The following NPR3 variants were observed in gnomAD, a reference collection of about 807,000 sequenced individuals.
The protein encoded by NPR3 is atrial natriuretic peptide receptor 3.
NPR3 carries 34 observed loss-of-function variants against 54.5 expected under a neutral mutation model. The ratio of observed to expected loss-of-function variants is 0.62; its 90% CI spans 0.47 to 0.83. The LOEUF (loss-of-function observed/expected upper bound fraction) is 0.83. NPR3 is among the 40% of genes least tolerant of loss of function. NPR3 has a pLI of 0.00. For synonymous variants in NPR3, 289 were observed against 297.1 expected (o/e 0.97, Z 0.28); for missense variants, 674 against 720.8 (o/e 0.94, Z 0.74).
rs372559211 is a variant in NPR3, at chr5:32,732,098, G to A, written c.893-6766G>A. On this transcript the variant is annotated intron_variant, in intron 2 of 7. Coordinates refer to ENST00000265074, the MANE Select transcript of NPR3 (RefSeq NM_001204375.2). ...CTACTAAAAATACAGAAAATTAGCC[G>A]GGCACGGTGGCGGGCGCCTGTAGTC... Among the ~76,000 whole-genome samples, 35 of 151,564 alleles carry A rather than the reference G, an allele frequency of 2.3e-4. 1 individual carries two copies. In the East Asian group the frequency reaches 2.7e-3, roughly 12 times the overall value.
rs775033360 is a variant in NPR3 at position 32,774,689 on chromosome 5, T to C, written c.1060-19T>C. The C allele has an allele frequency of 3.1e-6, 5 of 1,603,216 alleles. No homozygotes were observed. The South Asian group carries it at 5.5e-5, about 18-fold the overall frequency. ...GTCACTTGGTGTTTTGGTTCACCCATCTGGGGTTTTCTTTTCAGGTTAACA... is the reference window on the plus strand; with the variant it reads ...GTCACTTGGTGTTTTGGTTCACCCACCTGGGGTTTTCTTTTCAGGTTAACA... On this transcript the variant is annotated intron_variant, in intron 3 of 7. Transcript: ENST00000265074.
At chr5:32,720,905 CTT>C (rs1192019141) in intron 1 of NPR3, among the ~76,000 whole-genome samples, 2 of 152,018 alleles carry the variant, frequency 1.3e-5, no homozygotes. Flanking sequence ...GCTGGTTGTG[CTT>C]ATTATGATAA....
rs564204891 is a variant in NPR3 at position 32,753,830 on chromosome 5, C to T, written c.1059+14800C>T. 5.5e-4 allele frequency among the ~76,000 whole-genome samples: 84 copies of T among 152,208 alleles called. 1 individual carries two copies. The highest frequency in any genetic ancestry group is 4.8e-3 in the South Asian group (23 of 4,824). Reference sequence around the variant, plus strand: ...GTTCCTCAAATGCCAGGATTTACTCCTTTGATAAGAGAGCCCTGCTCATGA... The same window carrying T: ...GTTCCTCAAATGCCAGGATTTACTCTTTTGATAAGAGAGCCCTGCTCATGA... On this transcript the variant is annotated intron_variant, in intron 3 of 7. Coordinates refer to ENST00000265074, the MANE Select transcript of NPR3 (RefSeq NM_001204375.2).
chr5:32,695,303 C>A (rs997270845), intron 1 of NPR3, among the ~76,000 whole-genome samples: 1 of 152,078 alleles, frequency 6.6e-6, no homozygotes, highest in Non-Finnish European at 1.5e-5. Context: ...CTCGCTCTGT[C>A]GTCCAGGCTG....
chr5:32,745,546 A>G (rs1449949491), intron 3 of NPR3, among the ~76,000 whole-genome samples: 2 of 152,140 alleles, frequency 1.3e-5, no homozygotes, highest in South Asian at 2.1e-4. Context: ...TGGGTCAGTG[A>G]CTTTCTTTTT....
At chr5:32,693,262 A>T (rs542357370) in intron 1 of NPR3, among the ~76,000 whole-genome samples, 1 of 152,188 alleles carries the variant, frequency 6.6e-6, no homozygotes, top group Non-Finnish European at 1.5e-5. Context: ...TTTCACTTTG[A>T]ATTATCTCTT....
chr5:32,710,659 C>A (rs1738160022), upstream of NPR3: 1 of 1,504,028 alleles, frequency 6.6e-7, no homozygotes, highest in Non-Finnish European at 8.9e-7. Context: ...ACACCAGGTC[C>A]GCGATGGAGC....
At chr5:32,754,397 A>G (rs1740729547) in intron 3 of NPR3, among the ~76,000 whole-genome samples, 1 of 152,098 alleles carries the variant, frequency 6.6e-6, no homozygotes, top group Admixed American at 6.5e-5. Context: ...TAGTAGCCAA[A>G]GACAATAGTC....
chr5:32,716,368 C>CTTTTTT, intron 1 of NPR3: 1 of 404,124 alleles, frequency 2.5e-6, no homozygotes, highest in Non-Finnish European at 4.9e-6. Context: ...TAACATGCTA[C>CTTTTTT]TTTTTTTTTT....
chr5:32,734,497 T>G (rs1739627486), intron 2 of NPR3, among the ~76,000 whole-genome samples: 2 of 152,178 alleles, frequency 1.3e-5, no homozygotes, highest in Admixed American at 1.3e-4. Flanking sequence ...GCAGACTACC[T>G]TCCTCTTTCA....
chr5:32,789,847 TA>T lies in NPR3; in HGVS notation c.*3503del, dbSNP rs1742822055. 2.2e-6 allele frequency: 1 copy of T among 450,000 alleles called. No individual in the cohort carries two copies. The highest frequency in any genetic ancestry group is 4.5e-6 in the Non-Finnish European group (1 of 223,010). 27.9% of individuals were successfully genotyped at this position (450,000 alleles called of 1,614,324 possible). On this transcript the variant is annotated 3_prime_UTR_variant, in exon 8 of 8. Coordinates refer to ENST00000265074, the MANE Select transcript of NPR3 (RefSeq NM_001204375.2). ...TTCTTGTAAGCCAGTATACACTGGC[TA>T]TTTGTGGAAATCTCTTTGGGAGATC... is the stretch of plus-strand genomic sequence containing the variant.
intron 1 of NPR3, among the ~76,000 whole-genome samples, chr5:32,692,006 T>C (rs1740405294): frequency 6.6e-6 from 1 of 152,224 alleles, no homozygotes; most frequent in African/African-American, 2.4e-5. Context: ...AAATCAGATC[T>C]ATTTACAGCA....
At chr5:32,708,899 G>C (rs1326505809), upstream of NPR3, among the ~76,000 whole-genome samples, 1 of 151,280 alleles carries the variant, frequency 6.6e-6, no homozygotes, top group Non-Finnish European at 1.5e-5. Flanking sequence ...TTCAGCAAAA[G>C]CATAACACTG....
chr5:32,722,666 C>G (rs772156553), intron 1 of NPR3, among the ~76,000 whole-genome samples: 21 of 152,168 alleles, frequency 1.4e-4, no homozygotes, highest in Non-Finnish European at 2.2e-4. Context: ...GACATCCACT[C>G]TTGGAATCCA....
chr5:32,724,700 G>T lies in NPR3; in HGVS notation c.772G>T (p.Val258Leu), dbSNP rs186814909. Residue 258 changes from valine to leucine, a missense_variant and splice_region_variant, in exon 2 of 8, where the codon GTG becomes TTG. Coordinates refer to ENST00000265074, the MANE Select transcript of NPR3 (RefSeq NM_001204375.2). Reference sequence around the variant, plus strand: ...TGTGTTGTTTGTTCCTCCCCTAGTGGTGATCATGTGTGCGAGCAGTGACAC... The same window carrying T: ...TGTGTTGTTTGTTCCTCCCCTAGTGTTGATCATGTGTGCGAGCAGTGACAC... ...VRNIQASERV[V>L]IMCASSDTIR... The T allele has an allele frequency of 2.1e-4, 340 of 1,613,910 alleles. No individual in the cohort carries two copies. The African/African-American group carries it at 3.9e-3, about 19-fold the overall frequency.
Position 32,789,667 on chromosome 5 carries a change from T to C in NPR3, c.*3322T>C. 1 of 534,792 alleles carries C rather than the reference T, an allele frequency of 1.9e-6. No homozygotes were observed. The highest frequency in any genetic ancestry group is 1.4e-5 in the South Asian group (1 of 71,588). The allele number at this position is 534,792 out of a possible 1,614,324, so 33.1% of individuals were successfully genotyped here. ...TTAATTTACTCAAGGCACATGTGCC[T>C]TCTTTGCCCCAAATGCATCACTTTC... On this transcript the variant is annotated 3_prime_UTR_variant, in exon 8 of 8. Transcript: ENST00000265074.
intron 4 of NPR3, among the ~76,000 whole-genome samples, chr5:32,775,497 T>C (rs937130806): frequency 1.3e-5 from 2 of 152,176 alleles, no homozygotes; most frequent in East Asian, 3.8e-4. Flanking sequence ...GGTTTTACCA[T>C]GTTGGCCAGG....
intron 3 of NPR3, among the ~76,000 whole-genome samples, chr5:32,770,953 G>C (rs894671066): frequency 6.6e-6 from 1 of 152,168 alleles, no homozygotes; most frequent in South Asian, 2.1e-4. Context: ...GAGGTTCAAG[G>C]GTTGTTCTGT....
rs73755322 is a variant in NPR3 at position 32,782,783 on chromosome 5, C to T, written c.1291-110C>T. On this transcript the variant is annotated intron_variant, in intron 5 of 7. Transcript: ENST00000265074. ...GGTGATTTGATGAAATGCCCAGAGG[C>T]AGCCAGTTTAGATCAGGCTGTACAT... 662 of 1,071,472 alleles carry T rather than the reference C, an allele frequency of 6.2e-4. 7 individuals are homozygous for T. In the African/African-American group the frequency reaches 9.7e-3, roughly 16 times the overall value. The allele number at this position is 1,071,472 out of a possible 1,614,324, so 66.4% of individuals were successfully genotyped here.
Sources: gnomAD v4.1 joint callset for allele counts (sites outside exome capture counted in the v4.1 genomes callset) on GRCh38, gnomAD v4.1.1 for gene constraint, MANE v1.5 for transcripts, NCBI Gene and HGNC (gene_info 2026-07-23, HGNC 2026-07-21) for gene names.